Variants in CCDC146 observed in about 807,000 individuals in gnomAD.
The protein encoded by CCDC146 is coiled-coil domain containing 146, also known as coiled-coil domain-containing protein 146.
Under a neutral mutation model 119.3 loss-of-function variants are expected in CCDC146, and 92 were observed. The observed-to-expected ratio is 0.77, with a 90% CI of 0.65 to 0.92. CCDC146 has a LOEUF of 0.92. Among genes scored for constraint, CCDC146 ranks in the 40% least tolerant of loss-of-function variants. CCDC146 has a pLI of 0.00. For missense variants in CCDC146, 1,000 were observed against 1,103.0 expected (o/e 0.91, Z 1.32); for synonymous variants, 372 against 371.8 (o/e 1.00, Z -0.01).
intron 2 of CCDC146, among the ~76,000 whole-genome samples, chr7:77,210,286 A>G (rs1275659221): frequency 2.6e-5 from 4 of 152,200 alleles, no homozygotes; most frequent in Non-Finnish European, 4.4e-5. Context: ...CTTCCACCAG[A>G]TACCCTAAAT....
intron 4 of CCDC146, among the ~76,000 whole-genome samples, chr7:77,253,986 G>A (rs545572898): frequency 6.6e-6 from 1 of 152,338 alleles, no homozygotes; most frequent in East Asian, 1.9e-4. Context: ...GGGCCATGTA[G>A]GTTTGGGAAA....
intron 9 of CCDC146, among the ~76,000 whole-genome samples, chr7:77,266,334 T>C (rs1385974541): frequency 1.3e-5 from 2 of 152,220 alleles, no homozygotes; most frequent in Non-Finnish European, 2.9e-5. Context: ...TCATGACTCA[T>C]TTCAGTGTTG....
intron 2 of CCDC146, chr7:77,195,462 A>G (rs1036094412): frequency 6.6e-6 from 1 of 152,180 alleles, no homozygotes; most frequent in Non-Finnish European, 1.5e-5. Flanking sequence ...TTATATAGAT[A>G]TTAGTTCCCT....
In CCDC146 at chr7:77,278,991, T is replaced by A; in HGVS notation, c.1584T>A (p.Phe528Leu). ...YDTIRNERNK[F>L]VNLLHKAHQK... ...CCATTCGAAATGAAAGAAACAAATTTGTTAACTTACTCCACAAAGCTCATC... is the reference window on the plus strand; with the variant it reads ...CCATTCGAAATGAAAGAAACAAATTAGTTAACTTACTCCACAAAGCTCATC... Residue 528 changes from phenylalanine to leucine, a missense_variant, in exon 13 of 19, where the codon TTT becomes TTA. Coordinates refer to ENST00000285871, the MANE Select transcript of CCDC146 (RefSeq NM_020879.3). The A allele has an allele frequency of 2.5e-6, 4 of 1,612,494 alleles. No homozygotes were observed. The highest frequency in any genetic ancestry group is 3.4e-6 in the Non-Finnish European group (4 of 1,179,566).
At chr7:77,199,151 C>T (rs749896910) in intron 2 of CCDC146, 1 of 1,576,526 alleles carries the variant, frequency 6.3e-7, no homozygotes, top group Non-Finnish European at 8.6e-7. Context: ...CATTTATGAA[C>T]ATATGATAAG....
At chr7:77,259,742 C>T (rs1793252268) in intron 7 of CCDC146, among the ~76,000 whole-genome samples, 2 of 152,108 alleles carry the variant, frequency 1.3e-5, no homozygotes, top group South Asian at 4.1e-4. Flanking sequence ...GAGATGGTAG[C>T]AAATTGGGAT....
At chr7:77,144,319 G>A (rs1183986035) in intron 1 of CCDC146, among the ~76,000 whole-genome samples, 1 of 151,804 alleles carries the variant, frequency 6.6e-6, no homozygotes, top group Non-Finnish European at 1.5e-5. Context: ...ATTTTGGGCT[G>A]AGATGATGGG....
At chr7:77,264,523 G>A (rs1793364796) in intron 9 of CCDC146, among the ~76,000 whole-genome samples, 1 of 152,174 alleles carries the variant, frequency 6.6e-6, no homozygotes, top group Non-Finnish European at 1.5e-5. Flanking sequence ...CCTCCCCAAA[G>A]TGCTGGGATT....
chr7:77,201,588 A>T (rs1266022944), intron 2 of CCDC146, among the ~76,000 whole-genome samples: 2 of 152,102 alleles, frequency 1.3e-5, no homozygotes, highest in South Asian at 2.1e-4. Flanking sequence ...AGAAAAAAAA[A>T]ACTTAGAGCA....
At chr7:77,236,335 A>C (rs1315383794) in intron 2 of CCDC146, among the ~76,000 whole-genome samples, 1 of 152,234 alleles carries the variant, frequency 6.6e-6, no homozygotes. Context: ...CTCTTTATGC[A>C]TTGGAAAACT....
intron 2 of CCDC146, among the ~76,000 whole-genome samples, chr7:77,203,183 G>A: frequency 6.6e-6 from 1 of 151,830 alleles, no homozygotes; most frequent in Non-Finnish European, 1.5e-5. Flanking sequence ...AGGAGATGGA[G>A]GCATTATTAC....
At chr7:77,245,496 TG>T (rs1344011677) in intron 4 of CCDC146, among the ~76,000 whole-genome samples, 1 of 152,110 alleles carries the variant, frequency 6.6e-6, no homozygotes, top group Non-Finnish European at 1.5e-5. Context: ...CTTGGTCAGT[TG>T]GGGGAAACAA....
intron 1 of CCDC146, among the ~76,000 whole-genome samples, chr7:77,165,374 G>T (rs1791324530): frequency 6.6e-6 from 1 of 151,980 alleles, no homozygotes; most frequent in Admixed American, 6.6e-5. Flanking sequence ...AATAAAGTCT[G>T]TTGGAACAAT....
chr7:77,179,856 C>A (rs533668307), intron 2 of CCDC146, among the ~76,000 whole-genome samples: 149 of 152,208 alleles, frequency 9.8e-4, no homozygotes, highest in African/African-American at 3.3e-3. Flanking sequence ...TAAACAACTC[C>A]CCAATTCCCC....
chr7:77,199,323 G>T, intron 2 of CCDC146: 1 of 1,614,010 alleles, frequency 6.2e-7, no homozygotes. Flanking sequence ...GCTTCTCCAG[G>T]CGACCATGAA....
At chr7:77,247,489 A>G (rs1792975749) in intron 4 of CCDC146, among the ~76,000 whole-genome samples, 1 of 152,260 alleles carries the variant, frequency 6.6e-6, no homozygotes, top group Admixed American at 6.5e-5. Flanking sequence ...GCAAAGGCAT[A>G]ACTATTTAAA....
Position 77,196,903 on chromosome 7 carries a change from A to T in CCDC146, c.156+29079A>T, listed in dbSNP as rs760659595. 6.2e-7 allele frequency: 1 copy of T among 1,613,782 alleles called. No homozygotes were observed. Among genetic ancestry groups the T allele is most frequent in the Non-Finnish European group, 8.5e-7 (1 of 1,179,952 alleles). ...AAACTTCAAAGCTACTATTTTTGGG[A>T]TCAGGTGTAACTCTGTAGGTCTCAC... On this transcript the variant is annotated intron_variant, in intron 2 of 18. Coordinates refer to ENST00000285871, the MANE Select transcript of CCDC146 (RefSeq NM_020879.3). This position sits in a 1 kb window ranked among gnomAD's most constrained non-coding sequence, Gnocchi z 4.2.
At chr7:77,195,988 C>A in intron 2 of CCDC146, 1 of 318,670 alleles carries the variant, frequency 3.1e-6, no homozygotes, top group Non-Finnish European at 5.7e-6. Flanking sequence ...GCAAGTAATA[C>A]AAGCAATAGA....
At chr7:77,154,610 C>A (rs1791154840) in intron 1 of CCDC146, among the ~76,000 whole-genome samples, 1 of 151,954 alleles carries the variant, frequency 6.6e-6, no homozygotes, top group Non-Finnish European at 1.5e-5. Flanking sequence ...CCAGTTTCAT[C>A]CATGTCCCTA....
Sources: allele counts gnomAD v4.1 joint callset (sites outside exome capture counted in the v4.1 genomes callset), GRCh38; gene constraint gnomAD v4.1.1; non-coding constraint Gnocchi (gnomAD v3.1); transcripts MANE v1.5; gene names NCBI Gene and HGNC (gene_info 2026-07-23, HGNC 2026-07-21).